Variants in MACROD2 observed in about 807,000 individuals in gnomAD.
The protein encoded by MACROD2 is mono-ADP ribosylhydrolase 2.
In MACROD2, 36 loss-of-function variants were observed where a neutral mutation model predicts 70.4. The observed-to-expected ratio is 0.51, with a 90% CI of 0.39 to 0.68. The LOEUF is 0.68. Ranked by LOEUF, MACROD2 falls within the 30% of genes least tolerant of loss-of-function variation. The pLI is 0.00. For missense variants in MACROD2, 496 were observed against 538.4 expected (o/e 0.92, Z 0.78); for synonymous variants, 172 against 178.8 (o/e 0.96, Z 0.30).
At chr20:15,461,742 AT>A (rs1282413478) in intron 7 of MACROD2, among the ~76,000 whole-genome samples, 4 of 152,182 alleles carry the variant, frequency 2.6e-5, no homozygotes, top group African/African-American at 9.6e-5. Flanking sequence ...GAAAATATCT[AT>A]TGAATAAAAT....
chr20:14,629,996 TATCC>T (rs1249556410), intron 4 of MACROD2, among the ~76,000 whole-genome samples: 2 of 151,108 alleles, frequency 1.3e-5, no homozygotes, highest in Non-Finnish European at 2.9e-5. Context: ...TCTATCTATC[TATCC>T]ATCCCCTTTT....
At chr20:14,306,185 T>A (rs1408411356) in intron 3 of MACROD2, among the ~76,000 whole-genome samples, 1 of 152,194 alleles carries the variant, frequency 6.6e-6, no homozygotes, top group Non-Finnish European at 1.5e-5. Flanking sequence ...TGACTTTCCC[T>A]CTATTAAGTT....
At chr20:14,973,584 C>T (rs2074711687) in intron 5 of MACROD2, among the ~76,000 whole-genome samples, 1 of 152,080 alleles carries the variant, frequency 6.6e-6, no homozygotes, top group Non-Finnish European at 1.5e-5. Flanking sequence ...TTTGCTTAGA[C>T]AATGACCACT....
intron 8 of MACROD2, among the ~76,000 whole-genome samples, chr20:15,757,139 G>C (rs370060229): frequency 6.6e-6 from 1 of 152,130 alleles, no homozygotes; most frequent in Non-Finnish European, 1.5e-5. Context: ...ACATCCCTTT[G>C]CATAATTTTT....
At chr20:15,328,882 T>C (rs2077961340) in intron 6 of MACROD2, among the ~76,000 whole-genome samples, 1 of 152,058 alleles carries the variant, frequency 6.6e-6, no homozygotes, top group Non-Finnish European at 1.5e-5. Context: ...CAAAGTATAA[T>C]AGTATATAAT....
chr20:15,862,560 GCA>G (rs112613975), intron 8 of MACROD2, among the ~76,000 whole-genome samples, 183 bp from the exon 9 acceptor site: 39 of 149,274 alleles, frequency 2.6e-4, no homozygotes, highest in East Asian at 9.8e-4. Context: ...GTACACACAC[GCA>G]CACACACACA....
intron 5 of MACROD2, among the ~76,000 whole-genome samples, chr20:14,995,776 G>A (rs557367035): frequency 6.6e-6 from 1 of 152,200 alleles, no homozygotes; most frequent in Non-Finnish European, 1.5e-5. Flanking sequence ...TTTTGAAAAT[G>A]AATGATAAAA....
intron 7 of MACROD2, among the ~76,000 whole-genome samples, chr20:15,465,750 C>T (rs2046879260): frequency 6.6e-6 from 1 of 152,206 alleles, no homozygotes; most frequent in African/African-American, 2.4e-5. Context: ...ATCCAAAGAC[C>T]TTGCATGAAG....
intron 9 of MACROD2, among the ~76,000 whole-genome samples, chr20:15,869,394 G>A (rs971451649): frequency 2.0e-5 from 3 of 150,330 alleles, no homozygotes; most frequent in East Asian, 3.9e-4. Flanking sequence ...TTATGTCTAT[G>A]AAAATAATTT....
chr20:15,590,002 A>C (rs1200701237), intron 8 of MACROD2, among the ~76,000 whole-genome samples: 1 of 152,240 alleles, frequency 6.6e-6, no homozygotes, highest in Non-Finnish European at 1.5e-5. Context: ...CATAATATAA[A>C]GTCATAATTA....
chr20:14,284,418 G>C (rs2082328752), intron 3 of MACROD2, among the ~76,000 whole-genome samples: 1 of 152,192 alleles, frequency 6.6e-6, no homozygotes, highest in Non-Finnish European at 1.5e-5. Flanking sequence ...ATTTGAAACA[G>C]CAAATTACCT....
chr20:15,005,623 G>C (rs1269268509), intron 5 of MACROD2, among the ~76,000 whole-genome samples: 1 of 152,150 alleles, frequency 6.6e-6, no homozygotes, highest in Non-Finnish European at 1.5e-5. Flanking sequence ...CCACAAGGTA[G>C]TTCTTCTATC....
At chr20:15,395,136 GA>G (rs1261233036) in intron 6 of MACROD2, among the ~76,000 whole-genome samples, 1 of 152,146 alleles carries the variant, frequency 6.6e-6, no homozygotes, top group African/African-American at 2.4e-5. Flanking sequence ...TAAAATCCTG[GA>G]AAAGATGTTG....
chr20:14,586,996 C>G (rs933802267), intron 4 of MACROD2, among the ~76,000 whole-genome samples: 34 of 151,578 alleles, frequency 2.2e-4, no homozygotes, highest in African/African-American at 7.5e-4. Context: ...GTATTATTTT[C>G]TTGTTTAGTG....
At chr20:14,778,550 G>A (rs961662081) in intron 5 of MACROD2, among the ~76,000 whole-genome samples, 2 of 152,080 alleles carry the variant, frequency 1.3e-5, no homozygotes, top group African/African-American at 2.4e-5. Flanking sequence ...AATTCAGAAG[G>A]CTCTCAGCCA....
chr20:15,965,186 C>A (rs963122467), intron 12 of MACROD2, among the ~76,000 whole-genome samples: 4 of 152,152 alleles, frequency 2.6e-5, no homozygotes, highest in African/African-American at 7.2e-5. Context: ...CTGATGGTAT[C>A]TTGGACGCAA....
At chr20:15,767,795 T>C (rs977508921) in intron 8 of MACROD2, among the ~76,000 whole-genome samples, 1 of 152,204 alleles carries the variant, frequency 6.6e-6, no homozygotes, top group African/African-American at 2.4e-5. Context: ...CTCTAAATGA[T>C]TTTTCTTTTT....
chr20:14,776,417 T>C (rs1454535168), intron 5 of MACROD2, among the ~76,000 whole-genome samples: 2 of 151,996 alleles, frequency 1.3e-5, no homozygotes, highest in Non-Finnish European at 2.9e-5. Flanking sequence ...TGAGATAAGG[T>C]TGATGAAAGG....
chr20:14,560,575 A>G (rs1005786067), intron 4 of MACROD2, among the ~76,000 whole-genome samples: 2 of 151,894 alleles, frequency 1.3e-5, no homozygotes, highest in African/African-American at 4.8e-5. Context: ...ACTCAGCTTT[A>G]TTATTTTAGA....
Sources: allele counts gnomAD v4.1 joint callset (sites outside exome capture counted in the v4.1 genomes callset), GRCh38; gene constraint gnomAD v4.1.1; transcripts MANE v1.5; gene names NCBI Gene and HGNC (gene_info 2026-07-23, HGNC 2026-07-21).